Variants in GABRP observed in about 807,000 individuals in gnomAD.
GABRP encodes gamma-aminobutyric acid receptor subunit pi.
A neutral mutation model predicts 47.8 loss-of-function variants in GABRP; 52 were observed. The observed-to-expected ratio is 1.09, with a 90% CI of 0.87 to 1.37. GABRP has a LOEUF of 1.37. Among genes scored for constraint, GABRP ranks in the 40% most tolerant of loss-of-function variants. The pLI, the probability that GABRP is intolerant of heterozygous loss-of-function variation, is 0.00. For synonymous variants in GABRP, 221 were observed against 205.8 expected, an observed-to-expected ratio of 1.07 and a Z score of -0.63; for missense variants, 525 against 542.8, an observed-to-expected ratio of 0.97 and a Z score of 0.33.
rs1261774871 is a variant in GABRP, at chr5:170,805,774, T to C, written c.600T>C (p.Arg200=). 5 of 1,614,238 alleles carry C rather than the reference T, an allele frequency of 3.1e-6. No homozygotes were observed. The highest frequency in any genetic ancestry group is 1.1e-5 in the South Asian group (1 of 91,088). Residue 200 remains arginine (R), a synonymous_variant, in exon 7 of 10, where the codon CGT becomes CGC. Transcript: ENST00000265294. ...FTWLRGNDSV[R]GLEHLRLAQY... ...GGCTGAGAGGGAACGACTCTGTGCGTGGACTGGAACACCTGCGGCTTGCTC... is the reference window on the plus strand; with the variant it reads ...GGCTGAGAGGGAACGACTCTGTGCGCGGACTGGAACACCTGCGGCTTGCTC...
chr5:170,812,385 C>T lies in GABRP; in HGVS notation c.*127C>T, dbSNP rs1325871103. Reference sequence around the variant, plus strand: ...CAAGTGACTGAAATAATATTTGAGTCTTTCTGCTCAAAGAATGAAGCTCCA... The same window carrying T: ...CAAGTGACTGAAATAATATTTGAGTTTTTCTGCTCAAAGAATGAAGCTCCA... On this transcript the variant is annotated 3_prime_UTR_variant, in exon 10 of 10. Coordinates refer to ENST00000265294, the MANE Select transcript of GABRP (RefSeq NM_014211.3). The T allele has an allele frequency of 1.4e-6, 1 of 727,522 alleles. No homozygotes were observed. Among genetic ancestry groups the T allele is most frequent in the Non-Finnish European group, 2.3e-6 (1 of 442,006 alleles). 45.1% of individuals were successfully genotyped at this position (727,522 alleles called of 1,614,324 possible). A position where few individuals can be genotyped will look rare whatever the true frequency, so the allele number is the denominator to read the frequency against.
At chr5:170,795,556 C>T in intron 5 of GABRP, 131 bp downstream of exon 5, 1 of 698,456 alleles carries the variant, frequency 1.4e-6, no homozygotes, top group Non-Finnish European at 2.5e-6. Context: ...GATCCTTGCC[C>T]CCATAATAGA....
In GABRP at chr5:170,808,857, G is replaced by C. The variant is rs1236571907; in HGVS notation, c.832+105G>C. ...TGATATTCCTAAGGCAGTTCCAAGA[G>C]TTGTTTTCTTGGGAGATTCTTTTAC... On this transcript the variant is annotated intron_variant, in intron 8 of 9. Coordinates refer to ENST00000265294, the MANE Select transcript of GABRP (RefSeq NM_014211.3). 4.1e-6 allele frequency: 4 copies of C among 966,900 alleles called. No homozygotes were observed. The African/African-American group carries it at 4.9e-5, about 12-fold the overall frequency. 59.9% of individuals were successfully genotyped at this position (966,900 alleles called of 1,614,324 possible). A position where few individuals can be genotyped will look rare whatever the true frequency, so the allele number is the denominator to read the frequency against.
chr5:170,789,329 T>C (rs1397730725), intron 3 of GABRP, 82 bp downstream of exon 3: 1 of 787,738 alleles, frequency 1.3e-6, no homozygotes, highest in Non-Finnish European at 2.1e-6. Context: ...CGGGAGGTTT[T>C]AGTTGACTCC....
In GABRP at chr5:170,795,454, G is replaced by A. The variant is rs1401425143; in HGVS notation, c.458+29G>A. The A allele has an allele frequency of 1.9e-6, 3 of 1,573,054 alleles. No homozygotes were observed. The South Asian group carries it at 3.3e-5, about 17-fold the overall frequency. Reference sequence around the variant, plus strand: ...CGCGGACACCTGTGACCTCAGGGGTGGAGGACGGCAGCTGGGAGAAAACAT... The same window carrying A: ...CGCGGACACCTGTGACCTCAGGGGTAGAGGACGGCAGCTGGGAGAAAACAT... On this transcript the variant is annotated intron_variant, in intron 5 of 9. Coordinates refer to ENST00000265294, the MANE Select transcript of GABRP (RefSeq NM_014211.3).
chr5:170,803,737 A>T (rs1402685931), intron 6 of GABRP, among the ~76,000 whole-genome samples: 4 of 140,938 alleles, frequency 2.8e-5, no homozygotes, highest in African/African-American at 1.0e-4. Flanking sequence ...GGAATCATGC[A>T]CTATGTGGTT....
intron 7 of GABRP, among the ~76,000 whole-genome samples, chr5:170,807,010 G>A (rs1030723070): frequency 9.2e-5 from 14 of 151,830 alleles, no homozygotes; most frequent in East Asian, 5.8e-4. Flanking sequence ...GTGCAGTGGC[G>A]CAATCTCAGC....
At chr5:170,811,900 CTTAT>C (rs2127268325) in intron 9 of GABRP, 52 bp from the exon 10 acceptor site, 2 of 1,492,374 alleles carry the variant, frequency 1.3e-6, no homozygotes, top group Non-Finnish European at 1.8e-6. Flanking sequence ...TCATTACCTA[CTTAT>C]TTATTTTGCT....
intron 3 of GABRP, 79 bp from the exon 4 acceptor site, chr5:170,794,152 C>A: frequency 2.3e-6 from 2 of 852,876 alleles, no homozygotes; most frequent in Non-Finnish European, 3.4e-6. Context: ...TAATTTTAAT[C>A]TTTTTTAGAA....
intron 5 of GABRP, among the ~76,000 whole-genome samples, chr5:170,796,517 A>G (rs556746492): frequency 6.6e-6 from 1 of 152,314 alleles, no homozygotes; most frequent in South Asian, 2.1e-4. Flanking sequence ...ATTTTGGTAC[A>G]AGTCCCTGCT....
At chr5:170,784,354 G>C (rs566103750) in intron 1 of GABRP, among the ~76,000 whole-genome samples, 1 of 151,932 alleles carries the variant, frequency 6.6e-6, no homozygotes, top group African/African-American at 2.4e-5. Flanking sequence ...GAGTAGAAAC[G>C]GTAGTAGAAA....
intron 5 of GABRP, among the ~76,000 whole-genome samples, chr5:170,796,665 G>A (rs1765437247): frequency 6.6e-6 from 1 of 152,170 alleles, no homozygotes; most frequent in Non-Finnish European, 1.5e-5. Context: ...AAAGCACTCA[G>A]CCCAGGGACT....
rs7725726 is a variant in GABRP at position 170,788,666 on chromosome 5, G to C, written c.51G>C (p.Glu17Asp). 1 of 1,613,782 alleles carries C rather than the reference G, an allele frequency of 6.2e-7. No individual in the cohort carries two copies. The highest frequency in any genetic ancestry group is 8.5e-7 in the Non-Finnish European group (1 of 1,179,858). Residue 17 changes from glutamate (E) to aspartate (D), a missense_variant and splice_region_variant, in exon 2 of 10, where the codon GAG becomes GAC. Coordinates refer to ENST00000265294, the MANE Select transcript of GABRP (RefSeq NM_014211.3). ...LAFVCLSLFT[E>D]RMCIQGSQFN... ...TCGTGTGTCTGAGTCTCTTCACTGAGAGGTGAGCTTTGCTACCCCCAGAAT... is the reference window on the plus strand; with the variant it reads ...TCGTGTGTCTGAGTCTCTTCACTGACAGGTGAGCTTTGCTACCCCCAGAAT...
rs1356504526 is a variant in GABRP at position 170,805,785 on chromosome 5, A to G, written c.611A>G (p.His204Arg). 1.2e-6 allele frequency: 2 copies of G among 1,614,208 alleles called. No homozygotes were observed. The highest frequency in any genetic ancestry group is 2.2e-5 in the East Asian group (1 of 44,890). Residue 204 changes from histidine to arginine, a missense_variant, in exon 7 of 10, where the codon CAC becomes CGC. His to Arg is a conservative substitution (Grantham distance 29). Coordinates refer to ENST00000265294, the MANE Select transcript of GABRP (RefSeq NM_014211.3). ...RGNDSVRGLE[H>R]LRLAQYTIER... ...AACGACTCTGTGCGTGGACTGGAAC[A>G]CCTGCGGCTTGCTCAGTACACCATA...
chr5:170,802,219 T>G (rs1252565765), intron 6 of GABRP, among the ~76,000 whole-genome samples: 1 of 152,156 alleles, frequency 6.6e-6, no homozygotes, highest in Non-Finnish European at 1.5e-5. Flanking sequence ...CATTGTTCCT[T>G]AGTAAACCGC....
At chr5:170,800,734 C>T (rs940693619) in intron 6 of GABRP, among the ~76,000 whole-genome samples, 11 of 152,130 alleles carry the variant, frequency 7.2e-5, no homozygotes, top group Admixed American at 3.9e-4. Flanking sequence ...TTACTTGAGG[C>T]CTGGAGTTCA....
upstream of GABRP, among the ~76,000 whole-genome samples, chr5:170,783,339 A>G (rs1322202879): frequency 1.3e-5 from 2 of 152,118 alleles, no homozygotes; most frequent in Non-Finnish European, 2.9e-5. Context: ...TCAGCTTCTC[A>G]TTTTATAGAT....
chr5:170,792,890 C>A (rs1283059614), intron 3 of GABRP, among the ~76,000 whole-genome samples: 1 of 152,154 alleles, frequency 6.6e-6, no homozygotes, highest in Admixed American at 6.5e-5. Flanking sequence ...CCCTGAGGTA[C>A]CCCCGGGGGT....
At chr5:170,799,139 C>T (rs1403162609) in intron 6 of GABRP, among the ~76,000 whole-genome samples, 1 of 152,168 alleles carries the variant, frequency 6.6e-6, no homozygotes, top group Admixed American at 6.5e-5. Flanking sequence ...CATAGTATTC[C>T]ATGGTGTGTA....
Sources: allele counts gnomAD v4.1 joint callset (sites outside exome capture counted in the v4.1 genomes callset), GRCh38; gene constraint gnomAD v4.1.1; transcripts MANE v1.5; gene names NCBI Gene and HGNC (gene_info 2026-07-23, HGNC 2026-07-21).